The following SOX6 variants were observed in gnomAD, a reference collection of about 807,000 sequenced individuals.
SOX6 encodes SRY-box transcription factor 6, also known as transcription factor SOX-6.
Under a neutral mutation model 97.8 loss-of-function variants are expected in SOX6, and 11 were observed. That is an observed-to-expected ratio of 0.11 (90% CI 0.07 to 0.19). The LOEUF is 0.19. Among genes scored for constraint, SOX6 ranks in the 10% least tolerant of loss-of-function variants. SOX6 has a pLI of 1.00. For synonymous variants in SOX6, 360 were observed against 371.4 expected, an observed-to-expected ratio of 0.97 and a Z score of 0.35; for missense variants, 810 against 1,039.5, an observed-to-expected ratio of 0.78 and a Z score of 3.04.
chr11:15,979,996 A>T (rs909871517), intron 15 of SOX6, among the ~76,000 whole-genome samples: 3 of 152,128 alleles, frequency 2.0e-5, no homozygotes, highest in African/African-American at 7.2e-5. Context: ...GACTGCTTGT[A>T]ACATAGGAGG....
chr11:16,307,127 T>C (rs567587492), intron 3 of SOX6, among the ~76,000 whole-genome samples: 65 of 152,290 alleles, frequency 4.3e-4, no homozygotes, highest in African/African-American at 1.4e-3. Context: ...TAATATAAAA[T>C]GGGGCTTGAA....
In SOX6 at chr11:16,596,514, G is replaced by T. The variant is rs1254034679; in HGVS notation, n.609+15567C>A. ...GTTCCCCCATGTTCAGTGCTCTTTA[G>T]GATGTTACCTAAAGCCAGTTCCTCA... On this transcript the variant is annotated intron_variant and non_coding_transcript_variant, in intron 4 of 5. Transcript: ENST00000524520. 3.9e-5 allele frequency among the ~76,000 whole-genome samples: 6 copies of T among 152,128 alleles called. No homozygotes were observed. In the South Asian group the frequency reaches 1.0e-3, roughly 26 times the overall value.
At chr11:16,069,403 A>G (rs1220238254) in intron 9 of SOX6, among the ~76,000 whole-genome samples, 1 of 152,186 alleles carries the variant, frequency 6.6e-6, no homozygotes, top group African/African-American at 2.4e-5. Context: ...TGAACTGCAA[A>G]TAGAATTTGT....
chr11:16,387,637 G>C (rs1858029875), intron 1 of SOX6, among the ~76,000 whole-genome samples: 1 of 151,956 alleles, frequency 6.6e-6, no homozygotes, highest in Non-Finnish European at 1.5e-5. Context: ...AATTGATTTT[G>C]CTTTCATAAT....
intron 4 of SOX6, among the ~76,000 whole-genome samples, chr11:16,526,964 C>T (rs536588104): frequency 6.6e-6 from 1 of 152,170 alleles, no homozygotes; most frequent in East Asian, 1.9e-4. Context: ...GGAACTATGG[C>T]AGATTATATA....
chr11:16,015,198 C>T, intron 12 of SOX6, 148 bp from the exon 13 acceptor site: 1 of 724,208 alleles, frequency 1.4e-6, no homozygotes, highest in East Asian at 2.7e-5. Context: ...CAGGAAGATT[C>T]CGTTGAAAGC....
chr11:16,574,307 C>T (rs1031340928), intron 4 of SOX6, among the ~76,000 whole-genome samples: 3 of 151,880 alleles, frequency 2.0e-5, no homozygotes, highest in South Asian at 4.2e-4. Flanking sequence ...ATCAAAAGAA[C>T]GTAATAAAGA....
At chr11:16,211,323 C>CT (rs1341009135) in intron 4 of SOX6, among the ~76,000 whole-genome samples, 1 of 151,974 alleles carries the variant, frequency 6.6e-6, no homozygotes, top group Non-Finnish European at 1.5e-5. Flanking sequence ...GGAAAACAGA[C>CT]TGTGTGGAGA....
Position 16,438,401 on chromosome 11 carries a change from G to A in SOX6, c.-5+37914C>T, listed in dbSNP as rs190073249. ...TTACCTCTTTTCATTTATTTTGCTG[G>A]ACACACTGATTGCAGCATCCAGAGA... On this transcript the variant is annotated intron_variant, in intron 1 of 15. Transcript: ENST00000396356. Among the ~76,000 whole-genome samples, 951 of 152,104 alleles carry A rather than the reference G, an allele frequency of 6.3e-3. 2 individuals carry two copies. Among genetic ancestry groups the A allele is most frequent in the Middle Eastern group, 0.017 (5 of 294 alleles).
At chr11:16,169,913 TG>T (rs766161012) in intron 6 of SOX6, among the ~76,000 whole-genome samples, 4 of 106,560 alleles carry the variant, frequency 3.8e-5, no homozygotes, top group Non-Finnish European at 7.4e-5. Flanking sequence ...GTAATTTTAA[TG>T]TGTGTTTATG....
chr11:16,418,568 G>A (rs932863730), intron 1 of SOX6, among the ~76,000 whole-genome samples: 4 of 152,128 alleles, frequency 2.6e-5, no homozygotes, highest in Admixed American at 1.3e-4. Flanking sequence ...GCTCGAGGCC[G>A]ACTTCAATCT....
intron 9 of SOX6, among the ~76,000 whole-genome samples, chr11:16,072,276 C>T (rs1206259616): frequency 1.3e-5 from 2 of 152,104 alleles, no homozygotes; most frequent in Non-Finnish European, 2.9e-5. Context: ...AGCTAAAAAA[C>T]TCACTTCAAG....
chr11:16,256,028 A>C (rs577289526), intron 3 of SOX6, among the ~76,000 whole-genome samples: 34 of 152,096 alleles, frequency 2.2e-4, no homozygotes, highest in Non-Finnish European at 4.1e-4. Context: ...GAAACGACAC[A>C]ATCTGCCAAA....
chr11:16,049,577 T>A, intron 11 of SOX6, 178 bp downstream of exon 11: 1 of 731,126 alleles, frequency 1.4e-6, no homozygotes. Context: ...TATTATGACC[T>A]TTTCCAAAAG....
chr11:16,382,581 G>A (rs945290774), intron 1 of SOX6, among the ~76,000 whole-genome samples: 1 of 151,974 alleles, frequency 6.6e-6, no homozygotes, highest in African/African-American at 2.4e-5. Context: ...GAACTGCACT[G>A]TAATGCTTTT....
intron 2 of SOX6, among the ~76,000 whole-genome samples, chr11:16,732,256 CAA>C (rs1564880055): frequency 6.6e-6 from 1 of 152,070 alleles, no homozygotes; most frequent in Non-Finnish European, 1.5e-5. Flanking sequence ...CATATGGAAA[CAA>C]AAAAGAGCCC....
At chr11:16,592,868 G>A (rs928123711) in intron 4 of SOX6, among the ~76,000 whole-genome samples, 1 of 152,080 alleles carries the variant, frequency 6.6e-6, no homozygotes, top group Non-Finnish European at 1.5e-5. Context: ...CTAGGCCTCA[G>A]AGAATCCCTG....
intron 4 of SOX6, among the ~76,000 whole-genome samples, chr11:16,187,199 C>T (rs1047701943): frequency 2.0e-4 from 31 of 152,222 alleles, no homozygotes; most frequent in African/African-American, 7.2e-4. Flanking sequence ...TCACTCTCCC[C>T]TCTTGCTCTA....
chr11:16,383,167 G>C (rs1202867008), intron 1 of SOX6, among the ~76,000 whole-genome samples: 1 of 151,788 alleles, frequency 6.6e-6, no homozygotes, highest in African/African-American at 2.4e-5. Flanking sequence ...AATGTTTAAA[G>C]TTCATTCTTT....
Sources: gnomAD v4.1 joint callset for allele counts (sites outside exome capture counted in the v4.1 genomes callset) on GRCh38, gnomAD v4.1.1 for gene constraint, MANE v1.5 for transcripts, NCBI Gene and HGNC (gene_info 2026-07-23, HGNC 2026-07-21) for gene names.